Variants in SYNGR3 observed in about 807,000 individuals in gnomAD.
SYNGR3 encodes synaptogyrin 3.
SYNGR3 carries 10 observed loss-of-function variants against 18.5 expected under a neutral mutation model. The observed-to-expected ratio is 0.54, with a 90% CI of 0.33 to 0.92. The LOEUF (loss-of-function observed/expected upper bound fraction) is 0.92, where lower values mean the gene tolerates loss of function less well. SYNGR3 is among the 40% of genes least tolerant of loss of function. The pLI, the probability that SYNGR3 is intolerant of heterozygous loss-of-function variation, is 0.02. For synonymous variants in SYNGR3, 188 were observed against 157.2 expected (o/e 1.20, Z -1.47); for missense variants, 335 against 332.8 (o/e 1.01, Z -0.05).
At chr16:1,990,243 C>A in intron 1 of SYNGR3, 42 bp downstream of exon 1, 1 of 1,133,062 alleles carries the variant, frequency 8.8e-7, no homozygotes, top group Non-Finnish European at 1.1e-6. Context: ...GCCCCTGCCT[C>A]GCGACCTTCA....
chr16:1,993,400 A>G lies in SYNGR3; in HGVS notation c.*328A>G, dbSNP rs1192971003. ...CTGCTCACTCTGGGGTTGGGGGTCC[A>G]GCTGCCCTCTACGATCAGGTGCAGG... is the stretch of plus-strand genomic sequence containing the variant. On this transcript the variant is annotated 3_prime_UTR_variant, in exon 4 of 4. Coordinates refer to ENST00000248121, the MANE Select transcript of SYNGR3 (RefSeq NM_004209.6). 6.9e-6 allele frequency: 4 copies of G among 579,618 alleles called. No individual in the cohort carries two copies. In the African/African-American group the frequency reaches 7.3e-5, roughly 11 times the overall value. 35.9% of individuals were successfully genotyped at this position (579,618 alleles called of 1,614,324 possible).
At chr16:1,992,509 C>A in intron 2 of SYNGR3, 127 bp from the exon 3 acceptor site, 1 of 1,296,634 alleles carries the variant, frequency 7.7e-7, no homozygotes, top group Non-Finnish European at 1.0e-6. Context: ...GAGGCGGGAC[C>A]TCGCGCCACG....
Position 1,992,970 on chromosome 16 carries a change from T to C in SYNGR3, c.588T>C (p.Tyr196=). ...STGASQAYPG[Y]PVGSGVEGTE... ...GGGCGAGCCAGGCCTACCCCGGCTA[T>C]CCGGTGGGCAGCGGCGTGGAGGGCA... The change falls in exon 4 of 4, where the codon TAT becomes TAC. Residue 196 remains tyrosine, a synonymous_variant. Transcript: ENST00000248121. The C allele has an allele frequency of 1.2e-6, 2 of 1,611,940 alleles. No homozygotes were observed. The highest frequency in any genetic ancestry group is 2.2e-5 in the South Asian group (2 of 90,996).
intron 1 of SYNGR3, chr16:1,990,427 C>T (rs1363152646): frequency 6.2e-6 from 3 of 480,510 alleles, no homozygotes; most frequent in Non-Finnish European, 1.2e-5. Context: ...CGGAGAGGGA[C>T]CTTGAGAGGT....
rs746600379 is a variant in SYNGR3 at position 1,992,708 on chromosome 16, C to A, written c.410C>A (p.Pro137Gln). 2 of 1,600,440 alleles carry A rather than the reference C, an allele frequency of 1.2e-6. No homozygotes were observed. The highest frequency in any genetic ancestry group is 1.7e-6 in the Non-Finnish European group (2 of 1,176,202). ...CAGTGGCAGCGCACGGCGCCAGGGC[C>A]GGCCACGACGCAGGCGGGGGACGCG... ...TNQWQRTAPG[P>Q]ATTQAGDAAR... The change falls in exon 3 of 4, where the codon CCG becomes CAG. Residue 137 changes from proline to glutamine, a missense_variant. By Grantham distance (76) the Pro-to-Gln change is moderately conservative (BLOSUM62 -1). Transcript: ENST00000248121.
intron 2 of SYNGR3, 172 bp from the exon 3 acceptor site, chr16:1,992,464 G>C: frequency 1.0e-6 from 1 of 995,942 alleles, no homozygotes; most frequent in Non-Finnish European, 1.4e-6. Context: ...AACGGGTCTG[G>C]CGCTCCCGGG....
At chr16:1,990,370 C>T (rs1426593886) in intron 1 of SYNGR3, 169 bp downstream of exon 1, 10 of 428,820 alleles carry the variant, frequency 2.3e-5, no homozygotes, top group Non-Finnish European at 3.7e-5. Flanking sequence ...GGTGACGTCA[C>T]CGGGCAGGGC....
rs1431322786 is a variant in SYNGR3 at position 1,993,715 on chromosome 16, T to C, written c.*643T>C. 3 of 405,888 alleles carry C rather than the reference T, an allele frequency of 7.4e-6. No homozygotes were observed. Among genetic ancestry groups the C allele is most frequent in the Non-Finnish European group, 1.5e-5 (3 of 199,490 alleles). 25.1% of individuals were successfully genotyped at this position (405,888 alleles called of 1,614,324 possible). ...GCCCCTGCCCAGGTGTGGGTGGTTC[T>C]GGCCAGGAAGGCACAAGGTAGCTGT... On this transcript the variant is annotated 3_prime_UTR_variant, in exon 4 of 4. Transcript: ENST00000248121.
rs1164299242 is a variant in SYNGR3 at position 1,990,037 on chromosome 16, G to A, written c.-66G>A. On this transcript the variant is annotated 5_prime_UTR_variant, in exon 1 of 4. Transcript: ENST00000248121. ...TCAGCGGCAGCGGCAGCGGCCTCGG[G>A]CGGGGCCGGCCGGACGGACAGGCGG... 9.4e-6 allele frequency: 6 copies of A among 636,054 alleles called. No individual in the cohort carries two copies. The East Asian group carries it at 1.4e-4, about 15-fold the overall frequency. 39.4% of individuals were successfully genotyped at this position (636,054 alleles called of 1,614,324 possible).
chr16:1,992,469 C>T, intron 2 of SYNGR3, 167 bp from the exon 3 acceptor site: 4 of 1,031,954 alleles, frequency 3.9e-6, no homozygotes, highest in Non-Finnish European at 5.2e-6. Flanking sequence ...GTCTGGCGCT[C>T]CCGGGTGGGC....
At chr16:1,992,576 G>A in intron 2 of SYNGR3, 60 bp from the exon 3 acceptor site, 2 of 1,557,910 alleles carry the variant, frequency 1.3e-6, no homozygotes, top group South Asian at 2.3e-5. Flanking sequence ...TCCTCCTCCG[G>A]GCGAGGCCGC....
chr16:1,993,091 C>A lies in SYNGR3; in HGVS notation c.*19C>A, dbSNP rs28537620. On this transcript the variant is annotated 3_prime_UTR_variant, in exon 4 of 4. Coordinates refer to ENST00000248121, the MANE Select transcript of SYNGR3 (RefSeq NM_004209.6). The stretch of plus-strand genomic sequence containing the variant: ...CTACTAGCGGCTGGCAGGCACAGAC[C>A]AGGGCTCCAAGGCCACCCCACCAAC... The A allele has an allele frequency of 1.3e-6, 2 of 1,597,448 alleles. No homozygotes were observed. The highest frequency in any genetic ancestry group is 4.6e-5 in the East Asian group (2 of 43,598).
chr16:1,990,560 C>T (rs1439668987), intron 1 of SYNGR3: 1 of 453,426 alleles, frequency 2.2e-6, no homozygotes, highest in Non-Finnish European at 4.4e-6. Flanking sequence ...GGACGGAATT[C>T]TCCGAGGGGC....
intron 1 of SYNGR3, chr16:1,990,407 C>T (rs1337688514): frequency 2.2e-6 from 1 of 449,188 alleles, no homozygotes; most frequent in South Asian, 2.8e-5. Context: ...GGAGGAGGGG[C>T]CGGCGGCGCC....
chr16:1,992,108 C>T lies in SYNGR3; in HGVS notation c.234C>T (p.Ala78=). Reference sequence around the variant, plus strand: ...TCGGCGTCGCGCTGGGCCTCGGAGCCTTCCTCGCCTGCGCCGCCTTCCTGC... The same window carrying T: ...TCGGCGTCGCGCTGGGCCTCGGAGCTTTCCTCGCCTGCGCCGCCTTCCTGC... ...CRFGVALGLG[A]FLACAAFLLL... is the part of the protein sequence containing the mutation. Residue 78 remains alanine (A), a synonymous_variant, in exon 2 of 4, where the codon GCC becomes GCT. Coordinates refer to ENST00000248121, the MANE Select transcript of SYNGR3 (RefSeq NM_004209.6). 1.3e-6 allele frequency: 2 copies of T among 1,564,494 alleles called. No individual in the cohort carries two copies. Among genetic ancestry groups the T allele is most frequent in the South Asian group, 1.2e-5 (1 of 86,654 alleles).
At position 1,992,057 on chromosome 16, in the gene SYNGR3, C is replaced by T. The variant is rs527528565; in HGVS notation, c.183C>T (p.Phe61=). 3 of 1,574,352 alleles carry T rather than the reference C, an allele frequency of 1.9e-6. No homozygotes were observed. In the Admixed American group the frequency reaches 5.4e-5, roughly 29 times the overall value. ...TDSGPELRCV[F]NGNAGACRFG... ...GCGGCCCCGAGCTGCGCTGCGTGTT[C>T]AACGGGAACGCGGGCGCCTGCCGCT... The change falls in exon 2 of 4, where the codon TTC becomes TTT. Residue 61 remains phenylalanine (F), a synonymous_variant. Transcript: ENST00000248121.
In SYNGR3 at chr16:1,992,137, T is replaced by A; in HGVS notation, c.263T>A (p.Leu88His). The A allele has an allele frequency of 6.5e-7, 1 of 1,536,216 alleles. No individual in the cohort carries two copies. The highest frequency in any genetic ancestry group is 1.4e-5 in the African/African-American group (1 of 70,502). Residue 88 changes from leucine to histidine, a missense_variant, in exon 2 of 4, where the codon CTC (leucine) becomes CAC (histidine). Physicochemically the swap from Leu to His is moderately conservative, Grantham distance 99 (BLOSUM62 -3). Coordinates refer to ENST00000248121, the MANE Select transcript of SYNGR3 (RefSeq NM_004209.6). ...CTCGCCTGCGCCGCCTTCCTGCTGC[T>A]CGATGTGCGCTTCCAGCAAATCAGC... Reference protein sequence around the residue: ...AFLACAAFLLLDVRFQQISSV... With the variant: ...AFLACAAFLLHDVRFQQISSV...
Position 1,992,914 on chromosome 16 carries a change from T to A in SYNGR3, c.532T>A (p.Ser178Thr). ...GCGGTTCCGCCTGGGCACCGACATG[T>A]CACTCTTCGCCACCGAACAGCTGAG... is the stretch of plus-strand genomic sequence containing the variant. The part of the protein sequence containing the change: ...LQRFRLGTDM[S>T]LFATEQLSTG... The change falls in exon 4 of 4, where the codon TCA becomes ACA. Residue 178 changes from serine (S) to threonine (T), a missense_variant. Ser to Thr is a moderately conservative substitution (Grantham distance 58). Transcript: ENST00000248121. 1 of 1,608,410 alleles carries A rather than the reference T, an allele frequency of 6.2e-7. No individual in the cohort carries two copies. The highest frequency in any genetic ancestry group is 1.3e-5 in the African/African-American group (1 of 74,892).
chr16:1,990,801 G>A (rs1368018740), intron 1 of SYNGR3: 1 of 199,278 alleles, frequency 5.0e-6, no homozygotes, highest in Non-Finnish European at 1.1e-5. Context: ...CCTCCGGCAG[G>A]GGAGGTGGCA....
Sources: allele counts gnomAD v4.1 joint callset, GRCh38; gene constraint gnomAD v4.1.1; transcripts MANE v1.5; gene names NCBI Gene and HGNC (gene_info 2026-07-23, HGNC 2026-07-21).